The following ABI2 variants were observed in gnomAD, a reference collection of about 807,000 sequenced individuals.
ABI2 encodes the protein abl interactor 2.
In ABI2, 25 loss-of-function variants were observed where a neutral mutation model predicts 59.2. The ratio of observed to expected loss-of-function variants is 0.42; its 90% CI spans 0.31 to 0.59. The LOEUF is 0.59. Ranked by LOEUF, ABI2 falls within the 20% of genes least tolerant of loss-of-function variation. ABI2 has a pLI of 0.14. For synonymous variants in ABI2, 213 were observed against 235.5 expected (o/e 0.90, Z 0.87); for missense variants, 545 against 681.8 (o/e 0.80, Z 2.23).
intron 11 of ABI2, among the ~76,000 whole-genome samples, chr2:203,424,497 C>T (rs1236468504): frequency 6.6e-6 from 1 of 152,118 alleles, no homozygotes; most frequent in East Asian, 1.9e-4. Context: ...TGGGCTCAAG[C>T]GATCCTCCTG....
Position 203,347,783 on chromosome 2 carries a change from T to G in ABI2, c.118-19094T>G, listed in dbSNP as rs80191566. On this transcript the variant is annotated intron_variant, in intron 1 of 11. Transcript: ENST00000261018. ...GTGCTTGTTTAGTTATTGGGTGTTG[T>G]TAATGGCTTTTTGGTTTGGCAGTTT... 9.0e-3 allele frequency among the ~76,000 whole-genome samples: 1,368 copies of G among 152,346 alleles called. 14 individuals are homozygous for G. Among genetic ancestry groups the G allele is most frequent in the Non-Finnish European group, 0.015 (1,015 of 68,036 alleles).
At chr2:203,411,214 T>C (rs2097661345) in intron 9 of ABI2, 71 bp from the exon 10 acceptor site, 4 of 1,152,868 alleles carry the variant, frequency 3.5e-6, no homozygotes, top group East Asian at 4.7e-5. Context: ...GTTTATTTTA[T>C]TGTATTATCC....
chr2:203,370,654 A>G lies in ABI2; in HGVS notation c.285+3610A>G, dbSNP rs138599756. ...TGATGCTTGTATTATTATTTAAAAT[A>G]TTGTGTGTTTCTAGAGGGAACCAGG... On this transcript the variant is annotated intron_variant, in intron 2 of 11. Transcript: ENST00000261018. Among the ~76,000 whole-genome samples the G allele has an allele frequency of 6.8e-3, 1,029 of 152,242 alleles. 15 individuals are homozygous for G. The highest frequency in any genetic ancestry group is 0.024 in the African/African-American group (987 of 41,528).
intron 2 of ABI2, chr2:203,376,165 A>C: frequency 6.8e-7 from 1 of 1,474,886 alleles, no homozygotes; most frequent in Non-Finnish European, 9.1e-7. Flanking sequence ...CTTCCTCTAT[A>C]GATCTTTGGT....
chr2:203,409,839 C>G (rs2097582536), intron 9 of ABI2, among the ~76,000 whole-genome samples: 1 of 152,124 alleles, frequency 6.6e-6, no homozygotes, highest in Non-Finnish European at 1.5e-5. Flanking sequence ...ACTAGCTATC[C>G]AAACAGCCAG....
chr2:203,408,849 T>TTTTTTTTTTTTTA (rs2097541704), intron 9 of ABI2, among the ~76,000 whole-genome samples: 2 of 122,364 alleles, frequency 1.6e-5, no homozygotes, highest in Admixed American at 1.7e-4. Flanking sequence ...TTTTTTTTTT[T>TTTTTTTTTTTTTA]GAGACGGAGT....
chr2:203,382,180 T>C lies in ABI2; in HGVS notation c.463-9T>C. ...TTACCTCTTTTATTTGCTCCATTTA[T>C]GCATTAAGTGGTTGCTTAGATTTAA... On this transcript the variant is annotated splice_polypyrimidine_tract_variant and intron_variant, in intron 3 of 11. Coordinates refer to ENST00000261018, the MANE Select transcript of ABI2 (RefSeq NM_001375670.1). The C allele has an allele frequency of 6.5e-7, 1 of 1,529,092 alleles. No homozygotes were observed. Among genetic ancestry groups the C allele is most frequent in the Non-Finnish European group, 8.7e-7 (1 of 1,143,882 alleles). The allele number at this position is 1,529,092 out of a possible 1,614,324, so 94.7% of individuals were successfully genotyped here. A position where few individuals can be genotyped will look rare whatever the true frequency, so the allele number is the denominator to read the frequency against.
chr2:203,333,315 A>G (rs1363541201), intron 1 of ABI2, among the ~76,000 whole-genome samples: 2 of 152,330 alleles, frequency 1.3e-5, no homozygotes, highest in Non-Finnish European at 2.9e-5. Context: ...CTATATATCA[A>G]TATTTTTGTA....
At chr2:203,329,959 A>G (rs149243900) in intron 1 of ABI2, among the ~76,000 whole-genome samples, 72 of 151,822 alleles carry the variant, frequency 4.7e-4, no homozygotes, top group African/African-American at 1.7e-3. Context: ...CTGGTCTCGA[A>G]CTCCTGACTT....
In ABI2 at chr2:203,367,174, A is replaced by G. The variant is rs1003463669; in HGVS notation, c.285+130A>G. The G allele has an allele frequency of 3.2e-6, 4 of 1,254,324 alleles. No individual in the cohort carries two copies. The African/African-American group carries it at 6.1e-5, about 19-fold the overall frequency. 77.7% of individuals were successfully genotyped at this position (1,254,324 alleles called of 1,614,324 possible). A position where few individuals can be genotyped will look rare whatever the true frequency, so the allele number is the denominator to read the frequency against. On this transcript the variant is annotated intron_variant, in intron 2 of 11. Coordinates refer to ENST00000261018, the MANE Select transcript of ABI2 (RefSeq NM_001375670.1). The stretch of plus-strand genomic sequence containing the variant: ...ACGATTTGGAAAATAGCAACTTAAT[A>G]TTAGGTTGTTTTTAGATTCTGTCTT...
intron 4 of ABI2, among the ~76,000 whole-genome samples, chr2:203,385,938 C>T (rs2096487954): frequency 6.6e-6 from 1 of 152,176 alleles, no homozygotes; most frequent in Non-Finnish European, 1.5e-5. Context: ...GGACTCTTGA[C>T]TCGATAGGCT....
chr2:203,345,550 A>G (rs976740866), intron 1 of ABI2, among the ~76,000 whole-genome samples: 4 of 152,094 alleles, frequency 2.6e-5, no homozygotes, highest in Non-Finnish European at 5.9e-5. Flanking sequence ...AGCTGGGACA[A>G]CAGGTGCCCG....
rs950940135 is a variant in ABI2, at chr2:203,428,210, C to G, written c.*858C>G. 1 of 152,618 alleles carries G rather than the reference C, an allele frequency of 6.6e-6. No homozygotes were observed. Among genetic ancestry groups the G allele is most frequent in the African/African-American group, 2.4e-5 (1 of 41,448 alleles). 9.5% of individuals were successfully genotyped at this position (152,618 alleles called of 1,614,324 possible). A position where few individuals can be genotyped will look rare whatever the true frequency, so the allele number is the denominator to read the frequency against. On this transcript the variant is annotated 3_prime_UTR_variant, in exon 12 of 12. Coordinates refer to ENST00000261018, the MANE Select transcript of ABI2 (RefSeq NM_001375670.1). Reference sequence around the variant, plus strand: ...ACTTGAACTGTGGAAATGCTCTTAGCAGGCATCCCGAACCCCTGCTTCGGT... The same window carrying G: ...ACTTGAACTGTGGAAATGCTCTTAGGAGGCATCCCGAACCCCTGCTTCGGT...
Position 203,366,959 on chromosome 2 carries a change from C to A in ABI2, c.200C>A (p.Thr67Asn), listed in dbSNP as rs953725860. 1 of 1,613,686 alleles carries A rather than the reference C, an allele frequency of 6.2e-7. No homozygotes were observed. The highest frequency in any genetic ancestry group is 8.5e-7 in the Non-Finnish European group (1 of 1,179,868). ...SLASVAYLIN[T>N]LANNVLQMLD... ...GCAAGTGTTGCCTATCTGATAAACA[C>A]CTTGGCCAACAATGTCCTGCAGATG... The change falls in exon 2 of 12, where the codon ACC becomes AAC. Residue 67 changes from threonine (T) to asparagine (N), a missense_variant. Thr to Asn is a moderately conservative substitution (Grantham distance 65). Around this residue, in one of 4 missense-constraint regions of ABI2, gnomAD observed 36 missense variants for 80.0 expected, o/e 0.45. Coordinates refer to ENST00000261018, the MANE Select transcript of ABI2 (RefSeq NM_001375670.1).
chr2:203,335,748 G>C (rs574039364), intron 1 of ABI2, among the ~76,000 whole-genome samples: 1 of 152,208 alleles, frequency 6.6e-6, no homozygotes, highest in African/African-American at 2.4e-5. Flanking sequence ...AGAAAATTTG[G>C]ATGAGGTAAC....
intron 11 of ABI2, among the ~76,000 whole-genome samples, chr2:203,420,438 G>C (rs889315165): frequency 2.0e-5 from 3 of 149,972 alleles, no homozygotes; most frequent in Admixed American, 2.0e-4. Flanking sequence ...CTGTTGCCCA[G>C]GCTGGAGTGC....
intron 4 of ABI2, among the ~76,000 whole-genome samples, chr2:203,385,152 T>TTTTTGG (rs71007511): frequency 1.9e-5 from 1 of 51,840 alleles, no homozygotes. Flanking sequence ...TTTTTTTTTT[T>TTTTTGG]GAGACAGTCT....
At chr2:203,369,217 TAA>T in intron 2 of ABI2, among the ~76,000 whole-genome samples, 1 of 151,998 alleles carries the variant, frequency 6.6e-6, no homozygotes, top group Non-Finnish European at 1.5e-5. Context: ...TTGAGAATCC[TAA>T]AATTTTTCCA....
chr2:203,340,555 G>A (rs982484730), intron 1 of ABI2, among the ~76,000 whole-genome samples: 1 of 151,634 alleles, frequency 6.6e-6, no homozygotes, highest in Non-Finnish European at 1.5e-5. Flanking sequence ...ACGGGGTTTC[G>A]CCCTGTTGCC....
Sources: allele counts gnomAD v4.1 joint callset (sites outside exome capture counted in the v4.1 genomes callset), GRCh38; gene constraint gnomAD v4.1.1; regional missense constraint gnomAD v4.1.1; transcripts MANE v1.5; gene names NCBI Gene and HGNC (gene_info 2026-07-23, HGNC 2026-07-21).